The following IPO9 variants were observed in gnomAD, a reference collection of about 807,000 sequenced individuals.
The protein encoded by IPO9 is importin 9, also known as importin-9.
In IPO9, 28 loss-of-function variants were observed where a neutral mutation model predicts 128.6. That is an observed-to-expected ratio of 0.22 (90% CI 0.16 to 0.30). IPO9 has a LOEUF of 0.30. IPO9 is among the 10% of genes least tolerant of loss of function. The pLI, the probability that IPO9 is intolerant of heterozygous loss-of-function variation, is 1.00. For synonymous variants in IPO9, 455 were observed against 475.8 expected, an observed-to-expected ratio of 0.96 and a Z score of 0.57; for missense variants, 935 against 1,293.9, an observed-to-expected ratio of 0.72 and a Z score of 4.26.
rs1450127909 is a variant in IPO9 at position 201,876,253 on chromosome 1, T to C, written c.*199T>C. The C allele has an allele frequency of 5.8e-6, 4 of 695,400 alleles. No homozygotes were observed. The highest frequency in any genetic ancestry group is 1.1e-5 in the Non-Finnish European group (4 of 370,986). 43.1% of individuals were successfully genotyped at this position (695,400 alleles called of 1,614,324 possible). The stretch of plus-strand genomic sequence containing the variant: ...CTTAGGAATGCTGGAACAAAGGACA[T>C]TTCTCAAAGTTCCCCTGAAGACATG... On this transcript the variant is annotated 3_prime_UTR_variant, in exon 24 of 24. Coordinates refer to ENST00000361565, the MANE Select transcript of IPO9 (RefSeq NM_018085.5).
chr1:201,831,415 T>C (rs879360846), intron 1 of IPO9, among the ~76,000 whole-genome samples: 1 of 152,140 alleles, frequency 6.6e-6, no homozygotes, highest in African/African-American at 2.4e-5. Context: ...CTCTGGAGTT[T>C]AGTGCAATGC....
chr1:201,855,955 A>G, intron 10 of IPO9, 21 bp downstream of exon 10: 1 of 1,550,830 alleles, frequency 6.4e-7, no homozygotes, highest in South Asian at 1.2e-5. Flanking sequence ...TTTGAGAGAC[A>G]GTTACCATCT....
intron 11 of IPO9, among the ~76,000 whole-genome samples, chr1:201,858,083 A>G (rs990694127): frequency 1.3e-5 from 2 of 152,226 alleles, no homozygotes; most frequent in Middle Eastern, 3.2e-3. Flanking sequence ...GTGAAAGATT[A>G]TATTCAGTTC....
chr1:201,846,578 T>G (rs1447244023), intron 1 of IPO9, among the ~76,000 whole-genome samples: 1 of 152,192 alleles, frequency 6.6e-6, no homozygotes, highest in Non-Finnish European at 1.5e-5. Context: ...TTTCACCATC[T>G]TGGCCAGGCT....
At chr1:201,850,331 A>C (rs1041289453) in intron 4 of IPO9, 1 of 152,240 alleles carries the variant, frequency 6.6e-6, no homozygotes, top group Non-Finnish European at 1.5e-5. Flanking sequence ...ATAGCAGGAC[A>C]TTGGTGGTTG....
chr1:201,831,927 A>C (rs1679841523), intron 1 of IPO9, among the ~76,000 whole-genome samples: 1 of 151,752 alleles, frequency 6.6e-6, no homozygotes, highest in East Asian at 1.9e-4. Context: ...TTTGAGACAG[A>C]GTCTCAGTCT....
chr1:201,847,532 T>G lies in IPO9; in HGVS notation c.226-20T>G. ...AAAAATCTTTTTCTTGCTGTACTACTTGGCTTATTCTCTTCACAGCTGGCA... is the reference window on the plus strand; with the variant it reads ...AAAAATCTTTTTCTTGCTGTACTACGTGGCTTATTCTCTTCACAGCTGGCA... On this transcript the variant is annotated intron_variant, in intron 2 of 23. Transcript: ENST00000361565. 6.2e-7 allele frequency: 1 copy of G among 1,604,786 alleles called. No homozygotes were observed. Among genetic ancestry groups the G allele is most frequent in the Non-Finnish European group, 8.5e-7 (1 of 1,171,648 alleles).
At chr1:201,830,003 T>G (rs1679802798) in intron 1 of IPO9, among the ~76,000 whole-genome samples, 1 of 152,232 alleles carries the variant, frequency 6.6e-6, no homozygotes, top group Non-Finnish European at 1.5e-5. Context: ...TTTGTGCATT[T>G]CTGTTTGGAG....
intron 5 of IPO9, 105 bp downstream of exon 5, chr1:201,852,297 A>C (rs1680234653): frequency 3.1e-6 from 2 of 649,566 alleles, no homozygotes; most frequent in Non-Finnish European, 5.4e-6. Context: ...AATACCTAAA[A>C]ACTAGAACTG....
intron 19 of IPO9, among the ~76,000 whole-genome samples, chr1:201,872,569 C>T (rs1427464903): frequency 6.6e-6 from 1 of 151,906 alleles, no homozygotes; most frequent in Non-Finnish European, 1.5e-5. Context: ...CACACCACTG[C>T]ACTCAGCCTG....
intron 1 of IPO9, among the ~76,000 whole-genome samples, chr1:201,838,086 GA>G (rs1282174932): frequency 6.6e-6 from 1 of 152,024 alleles, no homozygotes; most frequent in Non-Finnish European, 1.5e-5. Context: ...AAAAAAAAAG[GA>G]AATGCTGTTA....
At position 201,854,865 on chromosome 1, in the gene IPO9, T is replaced by C; in HGVS notation, c.853T>C (p.Ser285Pro). 1.9e-6 allele frequency: 3 copies of C among 1,611,658 alleles called. No homozygotes were observed. Among genetic ancestry groups the C allele is most frequent in the Non-Finnish European group, 1.7e-6 (2 of 1,179,338 alleles). Residue 285 changes from serine to proline, a missense_variant, in exon 8 of 24, where the codon TCC becomes CCC. Physicochemically the swap from Ser to Pro is moderately conservative, Grantham distance 74. Transcript: ENST00000361565. ...GAAAAACTTCCCAAAGCACATGGTG[T>C]CCTCCATGCAGCAGATTCTGCCTAT... ...LVKNFPKHMV[S>P]SMQQILPIVW...
At chr1:201,834,455 C>T (rs1679890151) in intron 1 of IPO9, among the ~76,000 whole-genome samples, 1 of 151,950 alleles carries the variant, frequency 6.6e-6, no homozygotes, top group Non-Finnish European at 1.5e-5. Flanking sequence ...AGAATGTCAG[C>T]CTTTTATTTT....
chr1:201,852,060 G>A (rs779097568), intron 4 of IPO9, 44 bp from the exon 5 acceptor site: 1 of 1,217,282 alleles, frequency 8.2e-7, no homozygotes, highest in South Asian at 1.2e-5. Flanking sequence ...ATATCTTTAT[G>A]AAGCAGTATT....
rs140696125 is a variant in IPO9, at chr1:201,864,327, G to A, written c.1628+720G>A. 1.4e-3 allele frequency among the ~76,000 whole-genome samples: 212 copies of A among 152,282 alleles called. 1 individual carries two copies. Among genetic ancestry groups the A allele is most frequent in the African/African-American group, 4.7e-3 (194 of 41,562 alleles). ...GGTTAATGTTATGACCATAAACACC[G>A]TCCCATCTTTTTCTGCTTCAATCTA... is the stretch of plus-strand genomic sequence containing the variant. On this transcript the variant is annotated intron_variant, in intron 14 of 23. Transcript: ENST00000361565.
chr1:201,838,408 C>T (rs1679979115), intron 1 of IPO9, among the ~76,000 whole-genome samples: 1 of 152,212 alleles, frequency 6.6e-6, no homozygotes, highest in Admixed American at 6.5e-5. Flanking sequence ...TCTGACTCAT[C>T]TGTGTTTTAG....
chr1:201,871,372 ATTTCTTTT>A, intron 19 of IPO9, 45 bp downstream of exon 19: 5 of 232,796 alleles, frequency 2.1e-5, no homozygotes, highest in African/African-American at 1.5e-4. Flanking sequence ...CACCACTCAT[ATTTCTTTT>A]TTTTTTTTTT....
At chr1:201,833,161 T>C (rs555637853) in intron 1 of IPO9, among the ~76,000 whole-genome samples, 2 of 152,286 alleles carry the variant, frequency 1.3e-5, no homozygotes, top group East Asian at 3.9e-4. Flanking sequence ...ATCCATTTGA[T>C]TCATGTAGCG....
chr1:201,875,663 G>A (rs1031995259), intron 23 of IPO9, among the ~76,000 whole-genome samples: 11 of 151,962 alleles, frequency 7.2e-5, no homozygotes, highest in Admixed American at 6.6e-4. Flanking sequence ...TTGTTGAGTG[G>A]TCCAGGGTTT....
Sources: allele counts gnomAD v4.1 joint callset (sites outside exome capture counted in the v4.1 genomes callset), GRCh38; gene constraint gnomAD v4.1.1; transcripts MANE v1.5; gene names NCBI Gene and HGNC (gene_info 2026-07-23, HGNC 2026-07-21).